The following CPNE4 variants were observed in gnomAD, a reference collection of about 807,000 sequenced individuals.
CPNE4 encodes the protein copine 4.
A neutral mutation model predicts 67.9 loss-of-function variants in CPNE4; 25 were observed. The ratio of observed to expected loss-of-function variants is 0.37; its 90% CI spans 0.27 to 0.51. The LOEUF is 0.51. Among genes scored for constraint, CPNE4 ranks in the 20% least tolerant of loss-of-function variants. The pLI is 0.93. For missense variants in CPNE4, 464 were observed against 690.8 expected (o/e 0.67, Z 3.68); for synonymous variants, 242 against 244.9 (o/e 0.99, Z 0.11).
At chr3:131,959,610 A>G (rs953051167) in intron 1 of CPNE4, among the ~76,000 whole-genome samples, 9 of 152,334 alleles carry the variant, frequency 5.9e-5, no homozygotes, top group Admixed American at 5.9e-4. Flanking sequence ...TGGAAAATCA[A>G]AAAATCCAAT....
chr3:131,626,361 A>G (rs1158633338), intron 7 of CPNE4, among the ~76,000 whole-genome samples: 2 of 152,262 alleles, frequency 1.3e-5, no homozygotes, highest in African/African-American at 2.4e-5. Flanking sequence ...GAAAATTAAA[A>G]GTACTACTCT....
At chr3:131,975,277 A>G (rs934586233) in intron 1 of CPNE4, among the ~76,000 whole-genome samples, 2 of 152,168 alleles carry the variant, frequency 1.3e-5, no homozygotes, top group African/African-American at 2.4e-5. Context: ...ACAGGAAGCG[A>G]TAAGAAAGTC....
intron 7 of CPNE4, among the ~76,000 whole-genome samples, chr3:131,596,057 A>G (rs1021464442): frequency 2.6e-5 from 4 of 152,204 alleles, no homozygotes; most frequent in Non-Finnish European, 5.9e-5. Flanking sequence ...TAGAGAGGTA[A>G]TATACAACAT....
At chr3:131,727,369 T>C (rs1464111704) in intron 2 of CPNE4, among the ~76,000 whole-genome samples, 3 of 151,600 alleles carry the variant, frequency 2.0e-5, no homozygotes, top group African/African-American at 7.3e-5. Flanking sequence ...CCGAGGAGGG[T>C]GGATCACAAA....
At chr3:132,006,203 T>C (rs980820933) in intron 1 of CPNE4, among the ~76,000 whole-genome samples, 1 of 152,106 alleles carries the variant, frequency 6.6e-6, no homozygotes, top group Admixed American at 6.6e-5. Flanking sequence ...TCAAAATATA[T>C]GATATCATGG....
intron 7 of CPNE4, among the ~76,000 whole-genome samples, chr3:131,641,348 T>C (rs936705684): frequency 6.6e-6 from 1 of 151,528 alleles, no homozygotes; most frequent in African/African-American, 2.4e-5. Context: ...AAAAGTAGGC[T>C]AAGGACAGGA....
intron 2 of CPNE4, among the ~76,000 whole-genome samples, chr3:131,885,791 T>C (rs866794255): frequency 2.7e-4 from 41 of 152,160 alleles, no homozygotes; most frequent in Middle Eastern, 3.4e-3. Context: ...ATATGCGGTG[T>C]TTGGTTTTTT....
chr3:131,919,343 C>T (rs1168035234), intron 1 of CPNE4, among the ~76,000 whole-genome samples: 1 of 152,058 alleles, frequency 6.6e-6, no homozygotes, highest in Non-Finnish European at 1.5e-5. Context: ...AGATCGTGGT[C>T]AATTCATAAG....
At chr3:131,956,555 T>C (rs549023337) in intron 1 of CPNE4, among the ~76,000 whole-genome samples, 2 of 151,408 alleles carry the variant, frequency 1.3e-5, no homozygotes, top group African/African-American at 2.5e-5. Context: ...TGTGTAGTTT[T>C]TAAGCTGAAA....
intron 2 of CPNE4, among the ~76,000 whole-genome samples, chr3:131,792,925 G>GTGTGTGTCTATATCTATA (rs58502463): frequency 7.4e-6 from 1 of 135,142 alleles, no homozygotes; most frequent in African/African-American, 2.9e-5. Context: ...GTGTGTGTGT[G>GTGTGTGTCTATATCTATA]TATCTCCAAC....
intron 2 of CPNE4, among the ~76,000 whole-genome samples, chr3:131,799,193 G>C (rs1171342733): frequency 6.6e-6 from 1 of 152,080 alleles, no homozygotes; most frequent in Non-Finnish European, 1.5e-5. Flanking sequence ...ATCGAGTTAG[G>C]AAAGACACAA....
intron 3 of CPNE4, among the ~76,000 whole-genome samples, chr3:131,708,272 A>G (rs2081462918): frequency 6.6e-6 from 1 of 152,070 alleles, no homozygotes; most frequent in South Asian, 2.1e-4. Flanking sequence ...CTACTGAGTG[A>G]GTAGGACACA....
intron 11 of CPNE4, among the ~76,000 whole-genome samples, chr3:131,561,965 G>T (rs564684071): frequency 5.3e-5 from 8 of 151,944 alleles, no homozygotes; most frequent in Admixed American, 3.3e-4. Flanking sequence ...TTAAGTATTT[G>T]CCCATTTTAA....
chr3:131,768,561 G>A (rs1463007915), intron 2 of CPNE4, among the ~76,000 whole-genome samples: 1 of 152,088 alleles, frequency 6.6e-6, no homozygotes, highest in African/African-American at 2.4e-5. Flanking sequence ...CTAACACTAT[G>A]CAAAAACTGC....
chr3:131,708,989 T>C (rs1293967267), intron 3 of CPNE4, among the ~76,000 whole-genome samples: 1 of 112,172 alleles, frequency 8.9e-6, no homozygotes, highest in African/African-American at 4.0e-5. Context: ...TATATATATA[T>C]ATATATACAT....
intron 2 of CPNE4, among the ~76,000 whole-genome samples, chr3:131,724,957 A>G (rs893374763): frequency 1.3e-5 from 2 of 152,166 alleles, no homozygotes; most frequent in Non-Finnish European, 1.5e-5. Context: ...GTTATAGATA[A>G]CCCAAGATTC....
At chr3:131,718,136 A>G (rs930677139) in intron 3 of CPNE4, among the ~76,000 whole-genome samples, 8 of 151,816 alleles carry the variant, frequency 5.3e-5, no homozygotes, top group Non-Finnish European at 1.0e-4. Context: ...CTGGAATTAC[A>G]GGCGCCTGCC....
intron 1 of CPNE4, among the ~76,000 whole-genome samples, chr3:131,987,998 ATAGT>A (rs1405535749): frequency 1.3e-5 from 2 of 152,312 alleles, no homozygotes; most frequent in African/African-American, 2.4e-5. Flanking sequence ...CTGAGGGCAA[ATAGT>A]TAGTGTGATA....
upstream of CPNE4, among the ~76,000 whole-genome samples, chr3:132,037,266 C>G (rs1486636745): frequency 1.4e-5 from 2 of 142,426 alleles, no homozygotes; most frequent in East Asian, 4.1e-4. Flanking sequence ...TAGAAACAAA[C>G]AGTTGCCTGC....
Sources: gnomAD v4.1 joint callset for allele counts (sites outside exome capture counted in the v4.1 genomes callset) on GRCh38, gnomAD v4.1.1 for gene constraint, MANE v1.5 for transcripts, NCBI Gene and HGNC (gene_info 2026-07-23, HGNC 2026-07-21) for gene names.